TEX13B: variants seen among roughly 807,000 people sequenced by gnomAD.
TEX13B encodes the protein testis expressed 13B, also known as testis-expressed protein 13B.
TEX13B carries 5 observed loss-of-function variants against 11.2 expected under a neutral mutation model. That is an observed-to-expected ratio of 0.44 (90% CI 0.23 to 0.93). The LOEUF (loss-of-function observed/expected upper bound fraction) is 0.93. Ranked by LOEUF, TEX13B falls within the 40% of genes least tolerant of loss-of-function variation. The pLI, the probability that TEX13B is intolerant of heterozygous loss-of-function variation, is 0.23. For missense variants in TEX13B, 213 were observed against 244.2 expected (o/e 0.87, Z 0.85); for synonymous variants, 115 against 100.9 (o/e 1.14, Z -0.84).
In TEX13B at chrX:107,981,338, A is replaced by T. The variant is rs1933760131; in HGVS notation, c.681T>A (p.Ala227=). 2 of 1,211,500 alleles carry T rather than the reference A, an allele frequency of 1.7e-6. No homozygotes were observed. Among genetic ancestry groups the T allele is most frequent in the Non-Finnish European group, 2.2e-6 (2 of 895,446 alleles). Residue 227 remains alanine (A), a synonymous_variant, in exon 3 of 3, where the codon GCT becomes GCA. Coordinates refer to ENST00000302917, the MANE Select transcript of TEX13B (RefSeq NM_031273.2). The part of the protein sequence containing the change: ...LGGGFRQPLG[A]IVAGKLHLCG... The stretch of plus-strand genomic sequence containing the variant: ...AAAGGTGTAATTTGCCTGCTACAAT[A>T]GCTCCGAGGGGCTGCCTGAAGCCTC...
In TEX13B at chrX:107,981,311, G is replaced by A. The variant is rs41300888; in HGVS notation, c.708C>T (p.Cys236=). The part of the protein sequence containing the change: ...GAIVAGKLHL[C]GAEGERSQVS... ...CCTGAGATCTTTCTCCCTCTGCCCC[G>A]CAAAGGTGTAATTTGCCTGCTACAA... The change falls in exon 3 of 3, where the codon TGC becomes TGT. Residue 236 remains cysteine, a synonymous_variant. Transcript: ENST00000302917. The A allele has an allele frequency of 1.4e-4, 172 of 1,209,992 alleles. No homozygotes were observed. The highest frequency in any genetic ancestry group is 7.1e-4 in the East Asian group (24 of 33,708).
rs41304466 is a variant in TEX13B at position 107,981,746 on chromosome X, G to A, written c.382C>T (p.Gln128Ter). 11,701 of 1,209,966 alleles carry A rather than the reference G, an allele frequency of 9.7e-3. 60 individuals are homozygous for A. The highest frequency in any genetic ancestry group is 0.012 in the Non-Finnish European group (10,714 of 895,004). The change falls in exon 2 of 3, where the codon CAG becomes TAG. Residue 128 changes from glutamine (Q) to a stop codon, truncating the protein, a stop_gained. Coordinates refer to ENST00000302917, the MANE Select transcript of TEX13B (RefSeq NM_031273.2). LOFTEE classifies it high-confidence loss of function. ...QEMECNEATF[Q>*]LQLTETSLAE... ...AGGCTGGTCTCGGTTAGCTGCAACT[G>A]GAAGGTCGCCTCATTGCATTCCATC...
chrX:107,981,774 C>T lies in TEX13B; in HGVS notation c.354G>A (p.Gln118=). 8.3e-7 allele frequency: 1 copy of T among 1,212,033 alleles called. No individual in the cohort carries two copies. Among genetic ancestry groups the T allele is most frequent in the Non-Finnish European group, 1.1e-6 (1 of 895,541 alleles). Residue 118 remains glutamine, a synonymous_variant, in exon 2 of 3, where the codon CAG becomes CAA. Transcript: ENST00000302917. ...AGGTCGCCTCATTGCATTCCATCTCCTGCTGTTCCTTGAGTTCCGTCAGGT... is the reference window on the plus strand; with the variant it reads ...AGGTCGCCTCATTGCATTCCATCTCTTGCTGTTCCTTGAGTTCCGTCAGGT... ...ASNLTELKEQ[Q]EMECNEATFQ... is the part of the protein sequence containing the mutation.
Position 107,982,155 on chromosome X carries a change from T to C in TEX13B, c.-28A>G. ...TCGCCTAGGGGCTTAACGGTTTCAC[T>C]AGCCCTGTGTGGATGGAGCAGCCAA... On this transcript the variant is annotated 5_prime_UTR_variant, in exon 2 of 3. Coordinates refer to ENST00000302917, the MANE Select transcript of TEX13B (RefSeq NM_031273.2). 8.7e-7 allele frequency: 1 copy of C among 1,152,452 alleles called. No homozygotes were observed. The highest frequency in any genetic ancestry group is 2.0e-5 in the South Asian group (1 of 49,871). 95.0% of individuals were successfully genotyped at this position (1,152,452 alleles called of 1,213,427 possible).
chrX:107,980,921 C>T lies in TEX13B; in HGVS notation c.*159G>A. On this transcript the variant is annotated 3_prime_UTR_variant, in exon 3 of 3. Coordinates refer to ENST00000302917, the MANE Select transcript of TEX13B (RefSeq NM_031273.2). ...CCCACAGAGGAAGCAATTTTCCCTC[C>T]ATGAAAAATTCACAGCTTTACACCA... 1.3e-6 allele frequency: 1 copy of T among 780,315 alleles called. No individual in the cohort carries two copies. The highest frequency in any genetic ancestry group is 2.1e-5 in the African/African-American group (1 of 48,347). 64.3% of individuals were successfully genotyped at this position (780,315 alleles called of 1,213,427 possible).
Position 107,981,900 on chromosome X carries a change from C to T in TEX13B, c.228G>A (p.Val76=). 8.3e-7 allele frequency: 1 copy of T among 1,209,385 alleles called. No homozygotes were observed. The highest frequency in any genetic ancestry group is 1.1e-6 in the Non-Finnish European group (1 of 893,446). The change falls in exon 2 of 3, where the codon GTG becomes GTA. Residue 76 remains valine, a synonymous_variant. Transcript: ENST00000302917. ...ACTGCCCCTGCCTGTGGGCAAAGCG[C>T]ACACCCAAGGCCAGGCTGCCCCAGG... The part of the protein sequence containing the change: ...ACTWGSLALG[V]RFAHRQGQLQ...
chrX:107,980,913 T>G lies in TEX13B; in HGVS notation c.*167A>C, dbSNP rs1933753079. 9.6e-6 allele frequency: 7 copies of G among 726,657 alleles called. No homozygotes were observed. In the Admixed American group the frequency reaches 1.9e-4, roughly 20 times the overall value. 59.9% of individuals were successfully genotyped at this position (726,657 alleles called of 1,213,427 possible). On this transcript the variant is annotated 3_prime_UTR_variant, in exon 3 of 3. Transcript: ENST00000302917. ...ATTCGCCTCCCACAGAGGAAGCAAT[T>G]TTCCCTCCATGAAAAATTCACAGCT...
In TEX13B at chrX:107,981,559, C is replaced by G. The variant is rs758484312; in HGVS notation, c.460G>C (p.Glu154Gln). The G allele has an allele frequency of 8.3e-7, 1 of 1,210,456 alleles. No homozygotes were observed. The highest frequency in any genetic ancestry group is 2.2e-5 in the Admixed American group (1 of 46,022). ...CCCTGTCCCTGGGGAGGTGCCAGCT[C>G]CTGGAGAGAAGTAGGCAGAGCTGAA... ...DMLRWKLFHA[E>Q]LAPPQGQGQA... Residue 154 changes from glutamate to glutamine, a missense_variant and splice_region_variant, in exon 3 of 3, where the codon GAG becomes CAG. Physicochemically the swap from Glu to Gln is conservative, Grantham distance 29. Transcript: ENST00000302917.
chrX:107,981,410 A>G lies in TEX13B; in HGVS notation c.609T>C (p.Tyr203=), dbSNP rs1933761741. 2 of 1,209,865 alleles carry G rather than the reference A, an allele frequency of 1.7e-6. No homozygotes were observed. Among genetic ancestry groups the G allele is most frequent in the Non-Finnish European group, 2.2e-6 (2 of 895,158 alleles). ...CTGCGGGGGCAGGCCCTGCCTCTGC[A>G]TACCTCTCCTCTCCTTTTCCTCCAG... The part of the protein sequence containing the change: ...GAAGGKGEER[Y]AEAGPAPAEV... The change falls in exon 3 of 3, where the codon TAT becomes TAC. Residue 203 remains tyrosine (Y), a synonymous_variant. Transcript: ENST00000302917.
rs1569476174 is a variant in TEX13B, at chrX:107,980,904, G to A, written c.*176C>T. ...TGCAGCCAGATTCGCCTCCCACAGA[G>A]GAAGCAATTTTCCCTCCATGAAAAA... is the stretch of plus-strand genomic sequence containing the variant. On this transcript the variant is annotated 3_prime_UTR_variant, in exon 3 of 3. Coordinates refer to ENST00000302917, the MANE Select transcript of TEX13B (RefSeq NM_031273.2). The A allele has an allele frequency of 3.1e-6, 2 of 654,677 alleles. No homozygotes were observed. Among genetic ancestry groups the A allele is most frequent in the East Asian group, 3.2e-5 (1 of 31,171 alleles). 54.0% of individuals were successfully genotyped at this position (654,677 alleles called of 1,213,427 possible).
In TEX13B at chrX:107,981,739, T is replaced by C. The variant is rs993160024; in HGVS notation, c.389A>G (p.Gln130Arg). The change falls in exon 2 of 3, where the codon CAG becomes CGG. Residue 130 changes from glutamine to arginine, a missense_variant. Gln to Arg is a conservative substitution (Grantham distance 43). Transcript: ENST00000302917. Reference sequence around the variant, plus strand: ...CTCCGCAAGGCTGGTCTCGGTTAGCTGCAACTGGAAGGTCGCCTCATTGCA... The same window carrying C: ...CTCCGCAAGGCTGGTCTCGGTTAGCCGCAACTGGAAGGTCGCCTCATTGCA... ...MECNEATFQL[Q>R]LTETSLAEVQ... 5.8e-6 allele frequency: 7 copies of C among 1,209,749 alleles called. 1 individual carries two copies. In the African/African-American group the frequency reaches 1.2e-4, roughly 21 times the overall value.
In TEX13B at chrX:107,980,967, G is replaced by T; in HGVS notation, c.*113C>A. ...CACCACGGGCAGTCCCAGTTCCCTG[G>T]CCTGCGATATACTGGAGGTCTTCTC... On this transcript the variant is annotated 3_prime_UTR_variant, in exon 3 of 3. Transcript: ENST00000302917. The T allele has an allele frequency of 9.2e-7, 1 of 1,085,285 alleles. No homozygotes were observed. Among genetic ancestry groups the T allele is most frequent in the African/African-American group, 1.8e-5 (1 of 54,772 alleles). The allele number at this position is 1,085,285 out of a possible 1,213,427, so 89.4% of individuals were successfully genotyped here.
rs772747593 is a variant in TEX13B at position 107,981,718 on chromosome X, G to T, written c.410C>A (p.Ala137Glu). ...FQLQLTETSL[A>E]EVQRERDMLR... ...CATGTCCCGCTCTCTCTGCACCTCC[G>T]CAAGGCTGGTCTCGGTTAGCTGCAA... The change falls in exon 2 of 3, where the codon GCG (alanine) becomes GAG (glutamate). Residue 137 changes from alanine (A) to glutamate (E), a missense_variant. Transcript: ENST00000302917. 5 of 1,209,276 alleles carry T rather than the reference G, an allele frequency of 4.1e-6. No individual in the cohort carries two copies. The South Asian group carries it at 8.9e-5, about 21-fold the overall frequency.
At position 107,981,700 on chromosome X, in the gene TEX13B, C is replaced by T; in HGVS notation, c.428G>A (p.Arg143Gln). 2.5e-6 allele frequency: 3 copies of T among 1,203,997 alleles called. No individual in the cohort carries two copies. The highest frequency in any genetic ancestry group is 3.4e-6 in the Non-Finnish European group (3 of 890,960). ...ETSLAEVQRE[R>Q]DMLRWKLFHA... ...GAAGAGCTTCCATCTCAGCATGTCCCGCTCTCTCTGCACCTCCGCAAGGCT... is the reference window on the plus strand; with the variant it reads ...GAAGAGCTTCCATCTCAGCATGTCCTGCTCTCTCTGCACCTCCGCAAGGCT... The change falls in exon 2 of 3, where the codon CGG (arginine) becomes CAG (glutamine). Residue 143 changes from arginine (R) to glutamine (Q), a missense_variant. Physicochemically the swap from Arg to Gln is conservative, Grantham distance 43. Coordinates refer to ENST00000302917, the MANE Select transcript of TEX13B (RefSeq NM_031273.2).
intron 1 of TEX13B, 64 bp downstream of exon 1, chrX:107,982,246 A>G (rs1933775195): frequency 1.4e-6 from 1 of 722,122 alleles, no homozygotes; most frequent in Admixed American, 3.8e-5. Flanking sequence ...ACCTCTGACA[A>G]GACCCTCCTA....
rs1206793902 is a variant in TEX13B, at chrX:107,981,835, T to C, written c.293A>G (p.Lys98Arg). Residue 98 changes from lysine (K) to arginine (R), a missense_variant, in exon 2 of 3, where the codon AAA (lysine) becomes AGA (arginine). Physicochemically the swap from Lys to Arg is conservative, Grantham distance 26. Coordinates refer to ENST00000302917, the MANE Select transcript of TEX13B (RefSeq NM_031273.2). ...GACCAGCGCAGCTGATCTGTGCAGT[T>C]TGGCAAAGCCTTGCAGCCACTGCAC... ...RRVQWLQGFA[K>R]LHRSAALVLA... 1 of 1,209,260 alleles carries C rather than the reference T, an allele frequency of 8.3e-7. No individual in the cohort carries two copies. The highest frequency in any genetic ancestry group is 1.1e-6 in the Non-Finnish European group (1 of 894,375).
chrX:107,982,245 A>G (rs1433232756), intron 1 of TEX13B, 65 bp downstream of exon 1: 10 of 725,796 alleles, frequency 1.4e-5, no homozygotes, highest in Non-Finnish European at 1.7e-5. Flanking sequence ...CACCTCTGAC[A>G]AGACCCTCCT....
chrX:107,980,926 A>G lies in TEX13B; in HGVS notation c.*154T>C. The G allele has an allele frequency of 3.5e-6, 3 of 851,465 alleles. No homozygotes were observed. Among genetic ancestry groups the G allele is most frequent in the Admixed American group, 2.6e-5 (1 of 38,274 alleles). 70.2% of individuals were successfully genotyped at this position (851,465 alleles called of 1,213,427 possible). ...AGAGGAAGCAATTTTCCCTCCATGA[A>G]AAATTCACAGCTTTACACCACGGGC... On this transcript the variant is annotated 3_prime_UTR_variant, in exon 3 of 3. Transcript: ENST00000302917.
rs767575990 is a variant in TEX13B, at chrX:107,981,950, G to C, written c.178C>G (p.Pro60Ala). The change falls in exon 2 of 3, where the codon CCC becomes GCC. Residue 60 changes from proline to alanine, a missense_variant. Physicochemically the swap from Pro to Ala is conservative, Grantham distance 27. Coordinates refer to ENST00000302917, the MANE Select transcript of TEX13B (RefSeq NM_031273.2). ...GTGCAGGCCTCTTTGACCTCGCTGG[G>C]CACCTCGCTGTCCTCCAGGATGGCC... ...LRAILEDSEVPSEVKEACTWG... is the reference protein window; with the variant it reads ...LRAILEDSEVASEVKEACTWG... The C allele has an allele frequency of 1.8e-5, 22 of 1,209,912 alleles. 1 individual carries two copies. The East Asian group carries it at 3.0e-4, about 16-fold the overall frequency.
Sources: gnomAD v4.1 joint callset for allele counts on GRCh38, gnomAD v4.1.1 for gene constraint, MANE v1.5 for transcripts, NCBI Gene and HGNC (gene_info 2026-07-23, HGNC 2026-07-21) for gene names.